TENM4: variants seen among roughly 807,000 people sequenced by gnomAD.
TENM4 encodes the protein teneurin-4.
TENM4 carries 82 observed loss-of-function variants against 243.3 expected under a neutral mutation model. The observed-to-expected ratio is 0.34, with a 90% CI of 0.28 to 0.40. The LOEUF is 0.40. Ranked by LOEUF, TENM4 falls within the 10% of genes least tolerant of loss-of-function variation. The probability of loss-of-function intolerance (pLI) is 1.00; values close to 1 mark genes in which losing one functional copy is unlikely to be tolerated. For synonymous variants in TENM4, 1,412 were observed against 1,456.3 expected (o/e 0.97, Z 0.69); for missense variants, 3,138 against 3,673.3 (o/e 0.85, Z 3.77).
intron 20 of TENM4, among the ~76,000 whole-genome samples, chr11:78,736,292 A>G (rs1399761771): frequency 6.6e-6 from 1 of 152,088 alleles, no homozygotes; most frequent in African/African-American, 2.4e-5. Context: ...TTTTAATTCA[A>G]TGAGCCTAAT....
At chr11:79,354,972 A>G (rs1035736926) in intron 1 of TENM4, among the ~76,000 whole-genome samples, 11 of 152,244 alleles carry the variant, frequency 7.2e-5, no homozygotes, top group African/African-American at 2.7e-4. Context: ...TGAAAGAGCT[A>G]ATCCTTCAAG....
chr11:78,899,567 G>GC (rs1555098954), intron 7 of TENM4, among the ~76,000 whole-genome samples: 1 of 130,968 alleles, frequency 7.6e-6, no homozygotes, highest in African/African-American at 2.8e-5. Flanking sequence ...AGCGGGGGGG[G>GC]GGGGAAAAAG....
rs544844451 is a variant in TENM4, at chr11:78,916,257, G to C, written c.494-12734C>G. ...ATAATAGCATAATCTACTTCTTAGC[G>C]TTGTTGTAGGAATTTAGTGAGACAG... On this transcript the variant is annotated intron_variant, in intron 6 of 33. Transcript: ENST00000278550. 1.6e-4 allele frequency among the ~76,000 whole-genome samples: 25 copies of C among 152,288 alleles called. No individual in the cohort carries two copies. The East Asian group carries it at 1.9e-3, about 12-fold the overall frequency.
intron 2 of TENM4, among the ~76,000 whole-genome samples, chr11:79,245,587 T>A (rs1435593119): frequency 6.6e-6 from 1 of 152,116 alleles, no homozygotes; most frequent in African/African-American, 2.4e-5. Flanking sequence ...TTAAATGAGA[T>A]GTCACGTGAA....
At position 78,842,771 on chromosome 11, in the gene TENM4, T is replaced by C. The variant is rs894993061; in HGVS notation, c.1681+11333A>G. 4.6e-4 allele frequency among the ~76,000 whole-genome samples: 70 copies of C among 152,268 alleles called. 1 individual carries two copies. The highest frequency in any genetic ancestry group is 2.7e-3 in the Admixed American group (42 of 15,288). ...TTCAAACTCTAGCCCCTTCACTAACTGGGTATTTAACTTCTGCCTAGTCAT... is the reference window on the plus strand; with the variant it reads ...TTCAAACTCTAGCCCCTTCACTAACCGGGTATTTAACTTCTGCCTAGTCAT... On this transcript the variant is annotated intron_variant, in intron 12 of 33. Transcript: ENST00000278550.
chr11:79,015,477 A>AGTGTGTGTGTGTGTGTGT (rs113872101), intron 6 of TENM4, among the ~76,000 whole-genome samples: 130 of 147,252 alleles, frequency 8.8e-4, no homozygotes, highest in South Asian at 5.1e-3. Context: ...AAAGTCATTT[A>AGTGTGTGTGTGTGTGTGT]GTGTGTGTGT....
intron 2 of TENM4, among the ~76,000 whole-genome samples, chr11:79,268,586 T>G (rs1481467606): frequency 6.6e-6 from 1 of 152,166 alleles, no homozygotes; most frequent in Non-Finnish European, 1.5e-5. Flanking sequence ...AGAAATGTAC[T>G]TGTAACCCCA....
chr11:78,943,955 AG>A (rs1370736019), intron 6 of TENM4, among the ~76,000 whole-genome samples: 1 of 152,230 alleles, frequency 6.6e-6, no homozygotes, highest in Non-Finnish European at 1.5e-5. Flanking sequence ...CTCACTGCAG[AG>A]TGCGTGGTGA....
intron 1 of TENM4, among the ~76,000 whole-genome samples, chr11:79,320,342 T>TG (rs1163158745): frequency 1.3e-5 from 2 of 152,232 alleles, no homozygotes; most frequent in Non-Finnish European, 1.5e-5. Flanking sequence ...TGGCTCCTGT[T>TG]GCGACAAACA....
intron 7 of TENM4, among the ~76,000 whole-genome samples, chr11:78,897,659 C>T (rs757861881): frequency 1.7e-4 from 26 of 152,164 alleles, no homozygotes; most frequent in Non-Finnish European, 7.4e-5. Context: ...CCTCAAAAGA[C>T]GGTGAGCTTC....
chr11:79,301,953 T>C (rs1856556943), intron 1 of TENM4, among the ~76,000 whole-genome samples: 1 of 152,184 alleles, frequency 6.6e-6, no homozygotes, highest in Non-Finnish European at 1.5e-5. Flanking sequence ...AAACCTCTTT[T>C]CTTTATAAAT....
At chr11:78,776,701 T>C (rs962320346) in intron 17 of TENM4, among the ~76,000 whole-genome samples, 1 of 152,132 alleles carries the variant, frequency 6.6e-6, no homozygotes, top group Non-Finnish European at 1.5e-5. Flanking sequence ...CAAGAAACAT[T>C]TGCCTTTTAA....
Position 78,668,961 on chromosome 11 carries a change from G to A in TENM4, c.7384C>T (p.Gln2462Ter). 6.2e-7 allele frequency: 1 copy of A among 1,613,682 alleles called. No individual in the cohort carries two copies. Among genetic ancestry groups the A allele is most frequent in the Non-Finnish European group, 8.5e-7 (1 of 1,179,668 alleles). ...FKNNNPISNS[Q>*]DIKCFMTDVN... ...CCTGTCATGAAGCACTTGATGTCCTGGGAGTTGCTGATGGGGTTGTTGTTT... is the reference window on the plus strand; with the variant it reads ...CCTGTCATGAAGCACTTGATGTCCTAGGAGTTGCTGATGGGGTTGTTGTTT... The change falls in exon 32 of 34, where the codon CAG (glutamine) becomes TAG (stop). Residue 2462 changes from glutamine (Q) to a stop codon, truncating the protein, a stop_gained. Transcript: ENST00000278550. LOFTEE classifies it high-confidence loss of function.
intron 1 of TENM4, among the ~76,000 whole-genome samples, chr11:79,421,189 A>G (rs1858923587): frequency 6.6e-6 from 1 of 152,140 alleles, no homozygotes; most frequent in South Asian, 2.1e-4. Flanking sequence ...AAATTATTTC[A>G]CATAAGAGGC....
intron 1 of TENM4, among the ~76,000 whole-genome samples, chr11:79,372,642 A>G (rs943345983): frequency 6.6e-6 from 1 of 152,202 alleles, no homozygotes; most frequent in Non-Finnish European, 1.5e-5. Context: ...GAGAATGTGG[A>G]CAAGTCATTT....
intron 28 of TENM4, among the ~76,000 whole-genome samples, chr11:78,690,183 C>T (rs142738416): frequency 1.1e-4 from 16 of 152,128 alleles, no homozygotes; most frequent in Admixed American, 3.3e-4. Context: ...TGGACTGCCT[C>T]GCAGAGCTAA....
intron 30 of TENM4, among the ~76,000 whole-genome samples, chr11:78,673,131 C>T (rs139809080): frequency 2.3e-4 from 35 of 152,200 alleles, no homozygotes; most frequent in Non-Finnish European, 4.0e-4. Context: ...ACCTGGACTG[C>T]TAGGCCAGCA....
At chr11:79,019,447 A>G (rs1306877413) in intron 6 of TENM4, among the ~76,000 whole-genome samples, 1 of 152,116 alleles carries the variant, frequency 6.6e-6, no homozygotes, top group Admixed American at 6.5e-5. Flanking sequence ...CCAGGGTGCC[A>G]TTTCCCCTCA....
At chr11:78,747,041 GCTAAGGGAGT>G (rs1856066551) in intron 19 of TENM4, among the ~76,000 whole-genome samples, 1 of 152,160 alleles carries the variant, frequency 6.6e-6, no homozygotes, top group Non-Finnish European at 1.5e-5. Flanking sequence ...CAGAAACGCA[GCTAAGGGAGT>G]CTGCACAAAG....
Sources: gnomAD v4.1 joint callset for allele counts (sites outside exome capture counted in the v4.1 genomes callset) on GRCh38, gnomAD v4.1.1 for gene constraint, MANE v1.5 for transcripts, NCBI Gene and HGNC (gene_info 2026-07-23, HGNC 2026-07-21) for gene names.